Variants in KCNK2 observed in about 807,000 individuals in gnomAD.
KCNK2 encodes the protein potassium channel subfamily K member 2.
In KCNK2, 21 loss-of-function variants were observed where a neutral mutation model predicts 40.5. The observed-to-expected ratio is 0.52, with a 90% CI of 0.37 to 0.75. The LOEUF (loss-of-function observed/expected upper bound fraction) is 0.75. Ranked by LOEUF, KCNK2 falls within the 30% of genes least tolerant of loss-of-function variation. KCNK2 has a pLI of 0.00. For missense variants in KCNK2, 399 were observed against 531.6 expected (o/e 0.75, Z 2.45); for synonymous variants, 191 against 202.2 (o/e 0.94, Z 0.47).
chr1:215,048,361 A>G (rs1657858194), intron 1 of KCNK2, among the ~76,000 whole-genome samples: 1 of 152,176 alleles, frequency 6.6e-6, no homozygotes, highest in Non-Finnish European at 1.5e-5. Context: ...ATTCAGACTA[A>G]AAGCTTTCAT....
At chr1:215,137,337 A>T (rs1409059838) in intron 3 of KCNK2, among the ~76,000 whole-genome samples, 1 of 152,220 alleles carries the variant, frequency 6.6e-6, no homozygotes, top group Non-Finnish European at 1.5e-5. Context: ...ATAACCCATG[A>T]GCAAAATCAA....
At chr1:215,140,210 ACTGT>A (rs767968041) in intron 3 of KCNK2, among the ~76,000 whole-genome samples, 24 of 152,192 alleles carry the variant, frequency 1.6e-4, no homozygotes, top group Non-Finnish European at 2.8e-4. Context: ...TACTAGTTAT[ACTGT>A]CTGTCTTTAC....
intron 1 of KCNK2, among the ~76,000 whole-genome samples, chr1:215,067,317 T>C (rs1658588850): frequency 6.6e-6 from 1 of 152,142 alleles, no homozygotes; most frequent in Non-Finnish European, 1.5e-5. Flanking sequence ...ACATGATATA[T>C]ATAATTTTTT....
chr1:215,187,752 C>G (rs1196109012), intron 5 of KCNK2, among the ~76,000 whole-genome samples: 2 of 151,264 alleles, frequency 1.3e-5, no homozygotes, highest in East Asian at 1.9e-4. Context: ...CCTTAACACT[C>G]CTTTTCAGAA....
At chr1:215,007,362 A>G (rs893985951) in intron 1 of KCNK2, among the ~76,000 whole-genome samples, 5 of 150,708 alleles carry the variant, frequency 3.3e-5, no homozygotes, top group African/African-American at 1.2e-4. Context: ...CATGGGATGA[A>G]GACTACTTTT....
chr1:215,216,556 G>T (rs185923435), intron 6 of KCNK2, among the ~76,000 whole-genome samples: 1 of 129,356 alleles, frequency 7.7e-6, no homozygotes, highest in African/African-American at 2.7e-5. Context: ...ATAGAATGTT[G>T]TATTTCTATT....
intron 3 of KCNK2, among the ~76,000 whole-genome samples, chr1:215,147,226 A>G (rs530337898): frequency 2.6e-4 from 40 of 152,290 alleles, no homozygotes; most frequent in African/African-American, 9.1e-4. Context: ...TGACAGGGGC[A>G]TGAATCAGAA....
chr1:215,226,271 G>C (rs1666379237), intron 6 of KCNK2, among the ~76,000 whole-genome samples: 1 of 152,154 alleles, frequency 6.6e-6, no homozygotes, highest in African/African-American at 2.4e-5. Context: ...TGATTCTTCT[G>C]AAGTGAAATT....
chr1:215,148,231 C>G (rs1662521846), intron 3 of KCNK2, among the ~76,000 whole-genome samples: 1 of 151,240 alleles, frequency 6.6e-6, no homozygotes, highest in Non-Finnish European at 1.5e-5. Context: ...AGGTGCATAC[C>G]ACCACACCTG....
At chr1:215,065,943 C>T (rs1658522335) in intron 1 of KCNK2, among the ~76,000 whole-genome samples, 1 of 152,110 alleles carries the variant, frequency 6.6e-6, no homozygotes, top group African/African-American at 2.4e-5. Context: ...CCAGCCTGGG[C>T]AACATGGTAA....
chr1:215,033,049 CT>C (rs754750243), intron 1 of KCNK2, among the ~76,000 whole-genome samples: 12 of 150,808 alleles, frequency 8.0e-5, no homozygotes, highest in African/African-American at 2.7e-4. Context: ...GTTTTTCAGT[CT>C]TTTTTTTTCT....
At chr1:215,161,287 G>T (rs1422301830) in intron 3 of KCNK2, among the ~76,000 whole-genome samples, 1 of 152,194 alleles carries the variant, frequency 6.6e-6, no homozygotes, top group African/African-American at 2.4e-5. Context: ...CAGTTTCTCA[G>T]AGATGCTGGA....
chr1:215,016,290 C>T (rs1350616162), intron 1 of KCNK2, among the ~76,000 whole-genome samples: 1 of 66,830 alleles, frequency 1.5e-5, no homozygotes, highest in Admixed American at 1.6e-4. Flanking sequence ...AGATATAGAA[C>T]ACATAAGCAA....
intron 2 of KCNK2, among the ~76,000 whole-genome samples, chr1:215,096,402 T>C (rs977382277): frequency 3.3e-5 from 5 of 151,996 alleles, no homozygotes; most frequent in Non-Finnish European, 5.9e-5. Flanking sequence ...GGTGTACATG[T>C]GATATTTTGA....
At chr1:215,059,980 A>T (rs1024489509) in intron 1 of KCNK2, among the ~76,000 whole-genome samples, 3 of 152,166 alleles carry the variant, frequency 2.0e-5, no homozygotes, top group Admixed American at 6.5e-5. Context: ...GGGGCTTCCG[A>T]TGCAGTTGAC....
chr1:215,055,504 G>A (rs1328837354), intron 1 of KCNK2, among the ~76,000 whole-genome samples: 2 of 152,202 alleles, frequency 1.3e-5, no homozygotes, highest in East Asian at 1.9e-4. Flanking sequence ...ACAAAGGAAA[G>A]GAACCTGCTT....
chr1:215,149,659 G>A (rs935313384), intron 3 of KCNK2, among the ~76,000 whole-genome samples: 2 of 152,148 alleles, frequency 1.3e-5, no homozygotes, highest in African/African-American at 4.8e-5. Context: ...TTTAAAGGAA[G>A]CATGCTAATC....
chr1:215,114,383 T>C (rs1312542002), intron 2 of KCNK2, among the ~76,000 whole-genome samples: 1 of 152,072 alleles, frequency 6.6e-6, no homozygotes, highest in African/African-American at 2.4e-5. Flanking sequence ...GAGGGAAAGG[T>C]TTAATTGCAC....
At chr1:215,198,438 A>G (rs1424270826) in intron 6 of KCNK2, among the ~76,000 whole-genome samples, 1 of 152,248 alleles carries the variant, frequency 6.6e-6, no homozygotes, top group East Asian at 1.9e-4. Flanking sequence ...AAGGCCCCTT[A>G]TAATTTTCAA....
Sources: gnomAD v4.1 joint callset for allele counts (sites outside exome capture counted in the v4.1 genomes callset) on GRCh38, gnomAD v4.1.1 for gene constraint, MANE v1.5 for transcripts, NCBI Gene and HGNC (gene_info 2026-07-23, HGNC 2026-07-21) for gene names.